Variants in KCNJ3 observed in about 807,000 individuals in gnomAD.
The protein encoded by KCNJ3 is potassium inwardly rectifying channel subfamily J member 3.
KCNJ3 carries 4 observed loss-of-function variants against 39.2 expected under a neutral mutation model. That is an observed-to-expected ratio of 0.10 (90% confidence interval 0.05 to 0.23). KCNJ3 has a LOEUF of 0.23. Ranked by LOEUF, KCNJ3 falls within the 10% of genes least tolerant of loss-of-function variation. The pLI is 1.00. For missense variants in KCNJ3, 276 were observed against 634.9 expected (o/e 0.43, Z 6.08); for synonymous variants, 230 against 237.4 (o/e 0.97, Z 0.29).
chr2:154,779,613 G>A (rs1054510721), intron 2 of KCNJ3, among the ~76,000 whole-genome samples: 5 of 149,734 alleles, frequency 3.3e-5, no homozygotes, highest in South Asian at 2.1e-4. Flanking sequence ...GCATGATCTC[G>A]GCTCACTGAA....
intron 2 of KCNJ3, among the ~76,000 whole-genome samples, chr2:154,786,473 C>G (rs1385109931): frequency 1.3e-5 from 2 of 152,108 alleles, no homozygotes; most frequent in African/African-American, 4.8e-5. Context: ...TCCACCAAAG[C>G]TGTATAAATT....
chr2:154,789,563 A>G (rs1686591064), intron 2 of KCNJ3, among the ~76,000 whole-genome samples: 1 of 152,074 alleles, frequency 6.6e-6, no homozygotes, highest in African/African-American at 2.4e-5. Context: ...GTTAGATATT[A>G]TTAGCTTATT....
intron 2 of KCNJ3, among the ~76,000 whole-genome samples, chr2:154,776,629 A>C (rs557564683): frequency 6.6e-6 from 1 of 152,266 alleles, no homozygotes; most frequent in South Asian, 2.1e-4. Flanking sequence ...GTATCTCTAG[A>C]ATATAATTCA....
Position 154,798,362 on chromosome 2 carries a change from G to C in KCNJ3, c.920-56365G>C, listed in dbSNP as rs116668829. Among the ~76,000 whole-genome samples the C allele has an allele frequency of 3.1e-3, 476 of 152,214 alleles. 4 individuals carry two copies. Among genetic ancestry groups the C allele is most frequent in the African/African-American group, 0.011 (461 of 41,542 alleles). On this transcript the variant is annotated intron_variant, in intron 2 of 2. Coordinates refer to ENST00000295101, the MANE Select transcript of KCNJ3 (RefSeq NM_002239.4). The stretch of plus-strand genomic sequence containing the variant: ...ACTCTTCCCAAATACATGTAAAATT[G>C]AGTGCAATCTCAATCAAAATCTCAA...
At chr2:154,836,499 T>TA (rs1558886846) in intron 2 of KCNJ3, among the ~76,000 whole-genome samples, 1 of 152,150 alleles carries the variant, frequency 6.6e-6, no homozygotes, top group Non-Finnish European at 1.5e-5. Flanking sequence ...AAACTTTTAA[T>TA]AATGTGACTT....
chr2:154,770,709 A>G (rs1686225707), intron 2 of KCNJ3, among the ~76,000 whole-genome samples: 1 of 152,138 alleles, frequency 6.6e-6, no homozygotes, highest in Non-Finnish European at 1.5e-5. Flanking sequence ...CATTCACTAG[A>G]AAAGTAGTTT....
intron 2 of KCNJ3, among the ~76,000 whole-genome samples, chr2:154,743,606 TG>T (rs1316147101): frequency 6.6e-6 from 1 of 151,548 alleles, no homozygotes; most frequent in Non-Finnish European, 1.5e-5. Flanking sequence ...TATTTTTTTT[TG>T]TTTTAGTGTC....
chr2:154,843,645 CTTT>C (rs934609112), intron 2 of KCNJ3, among the ~76,000 whole-genome samples: 1 of 151,854 alleles, frequency 6.6e-6, no homozygotes. Flanking sequence ...TCTTTTTACT[CTTT>C]TTTCTCTAAC....
chr2:154,707,886 T>C (rs1357580974), intron 1 of KCNJ3, among the ~76,000 whole-genome samples: 1 of 152,176 alleles, frequency 6.6e-6, no homozygotes, highest in Non-Finnish European at 1.5e-5. Context: ...ATACTTGTTA[T>C]ACAACCATGT....
intron 2 of KCNJ3, among the ~76,000 whole-genome samples, chr2:154,815,267 A>C (rs749332962): frequency 6.6e-6 from 1 of 152,200 alleles, no homozygotes; most frequent in African/African-American, 2.4e-5. Context: ...AATCCTAAAA[A>C]GGTAAACATA....
chr2:154,812,163 G>C (rs1212146327), intron 2 of KCNJ3, among the ~76,000 whole-genome samples: 1 of 152,100 alleles, frequency 6.6e-6, no homozygotes, highest in Non-Finnish European at 1.5e-5. Context: ...TTTGATAAAT[G>C]CTTACTGAGT....
At chr2:154,701,633 C>G (rs1419618421) in intron 1 of KCNJ3, among the ~76,000 whole-genome samples, 3 of 151,942 alleles carry the variant, frequency 2.0e-5, no homozygotes, top group African/African-American at 7.2e-5. Flanking sequence ...ATAGTGTCGA[C>G]AAATTTGGAG....
At chr2:154,838,940 T>TTATG (rs753043204) in intron 2 of KCNJ3, among the ~76,000 whole-genome samples, 3 of 149,460 alleles carry the variant, frequency 2.0e-5, no homozygotes, top group African/African-American at 7.7e-5. Context: ...CTAGAAATTT[T>TTATG]TATGTATGTA....
At position 154,699,965 on chromosome 2, in the gene KCNJ3, C is replaced by T. The variant is rs1316914273; in HGVS notation, c.702+488C>T. Among the ~76,000 whole-genome samples the T allele has an allele frequency of 9.2e-5, 14 of 151,908 alleles. No individual in the cohort carries two copies. ...TCTTATTTTTTTCTTTCCTTTTTTTCCCCCTAATAATATTAGGAGGCGGAT... is the reference window on the plus strand; with the variant it reads ...TCTTATTTTTTTCTTTCCTTTTTTTTCCCCTAATAATATTAGGAGGCGGAT... On this transcript the variant is annotated intron_variant, in intron 1 of 2. Transcript: ENST00000295101. This position sits in a 1 kb window ranked among gnomAD's most constrained non-coding sequence, Gnocchi z 6.4.
At chr2:154,713,487 T>G (rs1052717274) in intron 2 of KCNJ3, among the ~76,000 whole-genome samples, 1 of 152,026 alleles carries the variant, frequency 6.6e-6, no homozygotes, top group Non-Finnish European at 1.5e-5. Context: ...GCAGGAGTGG[T>G]GGGGGGAGGG....
intron 2 of KCNJ3, among the ~76,000 whole-genome samples, chr2:154,773,512 TA>T (rs1278541726): frequency 6.6e-6 from 1 of 152,138 alleles, no homozygotes; most frequent in Non-Finnish European, 1.5e-5. Flanking sequence ...GTTCTCGGAA[TA>T]ATTTCTGGTG....
At chr2:154,758,896 C>T (rs2105187214) in intron 2 of KCNJ3, among the ~76,000 whole-genome samples, 1 of 152,266 alleles carries the variant, frequency 6.6e-6, no homozygotes, top group Non-Finnish European at 1.5e-5. Context: ...AAGTATTTGT[C>T]TTGACAGCTC....
At chr2:154,791,820 A>G (rs1686639567) in intron 2 of KCNJ3, among the ~76,000 whole-genome samples, 1 of 152,078 alleles carries the variant, frequency 6.6e-6, no homozygotes, top group African/African-American at 2.4e-5. Flanking sequence ...ATAGAATGTG[A>G]CAAGTACACT....
chr2:154,828,234 G>T (rs1687302697), intron 2 of KCNJ3, among the ~76,000 whole-genome samples: 1 of 152,192 alleles, frequency 6.6e-6, no homozygotes, highest in Non-Finnish European at 1.5e-5. Flanking sequence ...TTTCACTGAT[G>T]AGAGCCATCA....
Sources: allele counts gnomAD v4.1 joint callset (sites outside exome capture counted in the v4.1 genomes callset), GRCh38; gene constraint gnomAD v4.1.1; non-coding constraint Gnocchi (gnomAD v3.1); transcripts MANE v1.5; gene names NCBI Gene and HGNC (gene_info 2026-07-23, HGNC 2026-07-21).